XYLT1: variants seen among roughly 807,000 people sequenced by gnomAD.
XYLT1 encodes xylosyltransferase 1.
XYLT1 carries 36 observed loss-of-function variants against 91.3 expected under a neutral mutation model. The ratio of observed to expected loss-of-function variants is 0.39; its 90% CI spans 0.30 to 0.52. The LOEUF (loss-of-function observed/expected upper bound fraction) is 0.52. Among genes scored for constraint, XYLT1 ranks in the 20% least tolerant of loss-of-function variants. XYLT1 has a pLI of 0.68. For missense variants in XYLT1, 1,242 were observed against 1,284.5 expected, an observed-to-expected ratio of 0.97 and a Z score of 0.51; for synonymous variants, 588 against 532.0, an observed-to-expected ratio of 1.11 and a Z score of -1.45.
At chr16:17,170,905 T>A (rs1299606127) in intron 5 of XYLT1, among the ~76,000 whole-genome samples, 1 of 152,214 alleles carries the variant, frequency 6.6e-6, no homozygotes, top group Admixed American at 6.5e-5. Context: ...TTATTGGCTG[T>A]GTGGCCTTGG....
chr16:17,373,485 G>A (rs558734929), intron 1 of XYLT1, among the ~76,000 whole-genome samples: 4 of 152,010 alleles, frequency 2.6e-5, no homozygotes, highest in Non-Finnish European at 5.9e-5. Flanking sequence ...AAGTTACCGT[G>A]TAGTACACGT....
chr16:17,187,354 A>G (rs1381614596), intron 5 of XYLT1, among the ~76,000 whole-genome samples: 1 of 142,520 alleles, frequency 7.0e-6, no homozygotes, highest in Non-Finnish European at 1.5e-5. Flanking sequence ...AGATCACGCC[A>G]TTGCACTCCA....
At chr16:17,285,266 TA>T (rs1160762831) in intron 2 of XYLT1, among the ~76,000 whole-genome samples, 1 of 152,202 alleles carries the variant, frequency 6.6e-6, no homozygotes, top group Non-Finnish European at 1.5e-5. Flanking sequence ...GACCCCATGG[TA>T]GTGATGATCT....
chr16:17,136,432 G>A (rs1397035524), intron 8 of XYLT1, among the ~76,000 whole-genome samples: 1 of 152,156 alleles, frequency 6.6e-6, no homozygotes, highest in Non-Finnish European at 1.5e-5. Flanking sequence ...GCACAGCTTA[G>A]CACTGTAGAG....
At chr16:17,326,885 T>C (rs765116244) in intron 2 of XYLT1, among the ~76,000 whole-genome samples, 3 of 151,632 alleles carry the variant, frequency 2.0e-5, no homozygotes, top group African/African-American at 4.8e-5. Context: ...GGACCTCTTA[T>C]GCAAAATTAA....
At chr16:17,419,406 G>A (rs909774987) in intron 1 of XYLT1, among the ~76,000 whole-genome samples, 1 of 152,040 alleles carries the variant, frequency 6.6e-6, no homozygotes, top group African/African-American at 2.4e-5. Flanking sequence ...TAGCTCAGGG[G>A]TCTCTATGCC....
At chr16:17,194,189 G>A (rs1366856891) in intron 5 of XYLT1, 2 of 152,192 alleles carry the variant, frequency 1.3e-5, no homozygotes, top group African/African-American at 4.8e-5. Context: ...CAGGCTGCTA[G>A]GTTCTATTAT....
chr16:17,161,054 G>T (rs2031537026), intron 5 of XYLT1, among the ~76,000 whole-genome samples: 1 of 152,168 alleles, frequency 6.6e-6, no homozygotes, highest in Non-Finnish European at 1.5e-5. Context: ...TTAGTGGGAG[G>T]ATTGAAGGGG....
chr16:17,167,754 T>C (rs2031732336), intron 5 of XYLT1, among the ~76,000 whole-genome samples: 1 of 152,094 alleles, frequency 6.6e-6, no homozygotes, highest in Non-Finnish European at 1.5e-5. Flanking sequence ...TTCCATCTCA[T>C]GCATGGATTC....
At chr16:17,325,120 G>A (rs1017823658) in intron 2 of XYLT1, among the ~76,000 whole-genome samples, 2 of 152,200 alleles carry the variant, frequency 1.3e-5, no homozygotes, top group East Asian at 3.9e-4. Flanking sequence ...CGGGGGTGCC[G>A]GGCACGGTGG....
At chr16:17,461,625 T>C (rs2036823755) in intron 1 of XYLT1, among the ~76,000 whole-genome samples, 1 of 152,000 alleles carries the variant, frequency 6.6e-6, no homozygotes, top group Non-Finnish European at 1.5e-5. Flanking sequence ...GATGGATGCT[T>C]AGACAAATAG....
chr16:17,120,169 G>C (rs1243267036), intron 10 of XYLT1, among the ~76,000 whole-genome samples: 1 of 152,154 alleles, frequency 6.6e-6, no homozygotes, highest in African/African-American at 2.4e-5. Flanking sequence ...AACACAGTAG[G>C]AATTAAAAGG....
At chr16:17,272,268 T>C (rs2033908535) in intron 2 of XYLT1, among the ~76,000 whole-genome samples, 1 of 135,310 alleles carries the variant, frequency 7.4e-6, no homozygotes, top group Admixed American at 8.5e-5. Context: ...TTCAACAAAA[T>C]CCTCCCACCT....
At chr16:17,309,687 G>C (rs944675034) in intron 2 of XYLT1, among the ~76,000 whole-genome samples, 2 of 152,182 alleles carry the variant, frequency 1.3e-5, no homozygotes, top group Middle Eastern at 3.2e-3. Context: ...CCCTGAACCT[G>C]CATCTCATTC....
intron 3 of XYLT1, among the ~76,000 whole-genome samples, chr16:17,202,633 C>G (rs780072199): frequency 5.0e-4 from 76 of 152,174 alleles, no homozygotes; most frequent in Non-Finnish European, 9.1e-4. Context: ...GGGGACTCAC[C>G]ACCACCTCTT....
At chr16:17,172,151 T>G (rs939160129) in intron 5 of XYLT1, among the ~76,000 whole-genome samples, 2 of 152,230 alleles carry the variant, frequency 1.3e-5, no homozygotes, top group African/African-American at 4.8e-5. Flanking sequence ...ACTATGTTAC[T>G]CTTGCAGCTG....
At chr16:17,114,542 G>A (rs1450483073) in intron 11 of XYLT1, among the ~76,000 whole-genome samples, 1 of 152,178 alleles carries the variant, frequency 6.6e-6, no homozygotes, top group Non-Finnish European at 1.5e-5. Flanking sequence ...TGTTGATCAT[G>A]GCAGTGTGAG....
At chr16:17,187,195 C>A (rs2032202823) in intron 5 of XYLT1, among the ~76,000 whole-genome samples, 1 of 151,754 alleles carries the variant, frequency 6.6e-6, no homozygotes, top group African/African-American at 2.4e-5. Context: ...AGTTCGAGAC[C>A]AGCCTGGCCA....
At chr16:17,245,890 G>A (rs2033428417) in intron 3 of XYLT1, among the ~76,000 whole-genome samples, 1 of 152,230 alleles carries the variant, frequency 6.6e-6, no homozygotes, top group African/African-American at 2.4e-5. Flanking sequence ...CCCAGGCAAT[G>A]AACTGACTTC....
Sources: gnomAD v4.1 joint callset for allele counts (sites outside exome capture counted in the v4.1 genomes callset) on GRCh38, gnomAD v4.1.1 for gene constraint, MANE v1.5 for transcripts, NCBI Gene and HGNC (gene_info 2026-07-23, HGNC 2026-07-21) for gene names.